TBC1D14: variants seen among roughly 807,000 people sequenced by gnomAD.
The protein encoded by TBC1D14 is TBC1 domain family, member 14.
Under a neutral mutation model 79.0 loss-of-function variants are expected in TBC1D14, and 26 were observed. The ratio of observed to expected loss-of-function variants is 0.33; its 90% CI spans 0.24 to 0.46. The LOEUF (loss-of-function observed/expected upper bound fraction) is 0.46. Ranked by LOEUF, TBC1D14 falls within the 20% of genes least tolerant of loss-of-function variation. TBC1D14 has a pLI of 1.00. For synonymous variants in TBC1D14, 394 were observed against 349.9 expected (o/e 1.13, Z -1.40); for missense variants, 769 against 887.6 (o/e 0.87, Z 1.70).
At chr4:7,010,893 G>GAGAAA in intron 11 of TBC1D14, 112 bp downstream of exon 11, 1 of 1,318,604 alleles carries the variant, frequency 7.6e-7, no homozygotes, top group Non-Finnish European at 1.0e-6. Context: ...TCTGTGAAGA[G>GAGAAA]ATGTTTAGAG....
chr4:6,968,014 C>G (rs1463865699), intron 3 of TBC1D14, among the ~76,000 whole-genome samples: 1 of 152,200 alleles, frequency 6.6e-6, no homozygotes, highest in Admixed American at 6.5e-5. Context: ...ACGGACACAG[C>G]AAGTCCACGG....
At chr4:6,925,792 G>A (rs1009508396) in intron 2 of TBC1D14, among the ~76,000 whole-genome samples, 1 of 152,100 alleles carries the variant, frequency 6.6e-6, no homozygotes, top group Non-Finnish European at 1.5e-5. Flanking sequence ...TTTGTGTGGC[G>A]GAACTTCCCC....
chr4:6,951,598 C>T (rs1714046693), intron 2 of TBC1D14, among the ~76,000 whole-genome samples: 1 of 152,210 alleles, frequency 6.6e-6, no homozygotes, highest in Non-Finnish European at 1.5e-5. Context: ...CCCTCACAGA[C>T]TTTGTCAGAT....
chr4:6,970,188 T>G (rs988395963), intron 3 of TBC1D14, among the ~76,000 whole-genome samples: 4 of 152,218 alleles, frequency 2.6e-5, no homozygotes, highest in African/African-American at 7.2e-5. Flanking sequence ...TCTCTGGAAG[T>G]TTTCTTATTA....
At chr4:6,964,464 A>G (rs1365790395) in intron 2 of TBC1D14, among the ~76,000 whole-genome samples, 1 of 152,204 alleles carries the variant, frequency 6.6e-6, no homozygotes, top group East Asian at 1.9e-4. Flanking sequence ...AGCAAAATGT[A>G]TACCCTTAGT....
intron 9 of TBC1D14, among the ~76,000 whole-genome samples, chr4:7,009,645 C>T (rs893532266): frequency 6.6e-6 from 1 of 152,182 alleles, no homozygotes; most frequent in Non-Finnish European, 1.5e-5. Context: ...CTGCCTGGCC[C>T]TCCAGCTTCT....
chr4:6,924,214 G>GT, intron 2 of TBC1D14, 103 bp downstream of exon 2: 1 of 1,434,838 alleles, frequency 7.0e-7, no homozygotes, highest in Non-Finnish European at 9.2e-7. Context: ...GTGTTAGGCA[G>GT]GCACTGTCTC....
chr4:6,995,514 T>G (rs1191733567), intron 4 of TBC1D14: 1 of 144,728 alleles, frequency 6.9e-6, no homozygotes, highest in East Asian at 1.9e-4. Context: ...TCATTTTTCC[T>G]TTCTTTTTTT....
At chr4:6,914,690 A>C (rs1723257107) in intron 1 of TBC1D14, among the ~76,000 whole-genome samples, 1 of 152,190 alleles carries the variant, frequency 6.6e-6, no homozygotes, top group African/African-American at 2.4e-5. Context: ...CTAGCTGGTC[A>C]TGTTCGTGAG....
chr4:6,980,318 C>T (rs1157384644), intron 3 of TBC1D14, among the ~76,000 whole-genome samples: 1 of 152,028 alleles, frequency 6.6e-6, no homozygotes, highest in African/African-American at 2.4e-5. Flanking sequence ...GAGGAAGTCA[C>T]AAGGAAAATT....
At chr4:6,919,000 G>A (rs1373048985) in intron 1 of TBC1D14, among the ~76,000 whole-genome samples, 3 of 152,150 alleles carry the variant, frequency 2.0e-5, no homozygotes, top group Admixed American at 2.0e-4. Context: ...GAGGGCTCAC[G>A]GCTCTGGGGA....
At chr4:6,952,583 T>C (rs1456199149) in intron 2 of TBC1D14, among the ~76,000 whole-genome samples, 1 of 152,258 alleles carries the variant, frequency 6.6e-6, no homozygotes, top group Non-Finnish European at 1.5e-5. Flanking sequence ...TGCAGACATC[T>C]ATGAAATAAA....
At chr4:6,979,901 A>G (rs1306519683) in intron 3 of TBC1D14, among the ~76,000 whole-genome samples, 3 of 152,216 alleles carry the variant, frequency 2.0e-5, no homozygotes, top group Non-Finnish European at 2.9e-5. Context: ...CAGAGCTGCA[A>G]AATACATGAA....
intron 1 of TBC1D14, among the ~76,000 whole-genome samples, chr4:6,914,711 C>T (rs766778549): frequency 6.6e-5 from 10 of 152,176 alleles, no homozygotes; most frequent in Non-Finnish European, 1.2e-4. Flanking sequence ...CCTGGAGCGT[C>T]CAGTCCTTTC....
In TBC1D14 at chr4:6,949,476, A is replaced by G. The variant is rs1005277259; in HGVS notation, c.723-17828A>G. Among the ~76,000 whole-genome samples the G allele has an allele frequency of 2.0e-5, 3 of 152,214 alleles. No individual in the cohort carries two copies. In the South Asian group the frequency reaches 6.2e-4, roughly 32 times the overall value. On this transcript the variant is annotated intron_variant, in intron 2 of 13. Coordinates refer to ENST00000409757, the MANE Select transcript of TBC1D14 (RefSeq NM_020773.3). ...GGCAGGTGTATCACCTGAGGTCAAG[A>G]GTTGGAGACCAGCCTGACCAACATG... is the stretch of plus-strand genomic sequence containing the variant.
chr4:6,966,689 CAG>C (rs1034169652), intron 2 of TBC1D14, among the ~76,000 whole-genome samples: 2 of 152,214 alleles, frequency 1.3e-5, no homozygotes, highest in East Asian at 3.8e-4. Context: ...ATGGTTGAGC[CAG>C]AGTTTCAATT....
intron 2 of TBC1D14, among the ~76,000 whole-genome samples, chr4:6,943,367 T>C (rs553447742): frequency 2.0e-5 from 3 of 152,362 alleles, no homozygotes; most frequent in African/African-American, 7.2e-5. Context: ...GAGAATTAAA[T>C]GCCTGAAACC....
At position 6,987,771 on chromosome 4, in the gene TBC1D14, T is replaced by C. The variant is rs1402514363; in HGVS notation, c.844-6413T>C. Among the ~76,000 whole-genome samples, 3 of 152,172 alleles carry C rather than the reference T, an allele frequency of 2.0e-5. No individual in the cohort carries two copies. The East Asian group carries it at 5.8e-4, about 29-fold the overall frequency. The stretch of plus-strand genomic sequence containing the variant: ...ATGGAGATGAGACTGCGCTCCGAGC[T>C]CTAGAGCCCAATGAGGTGGTCAGGT... On this transcript the variant is annotated intron_variant, in intron 3 of 13. Transcript: ENST00000409757.
At chr4:6,976,308 A>G (rs143749419) in intron 3 of TBC1D14, among the ~76,000 whole-genome samples, 1,812 of 152,324 alleles carry the variant, frequency 0.012, 16 homozygotes, top group Middle Eastern at 0.037. Flanking sequence ...ATAGAAACCT[A>G]TAGATTCAGG....
Sources: gnomAD v4.1 joint callset for allele counts (sites outside exome capture counted in the v4.1 genomes callset) on GRCh38, gnomAD v4.1.1 for gene constraint, MANE v1.5 for transcripts, NCBI Gene and HGNC (gene_info 2026-07-23, HGNC 2026-07-21) for gene names.